The following PAPPA variants were observed in gnomAD, a reference collection of about 807,000 sequenced individuals.
The protein encoded by PAPPA is pappalysin 1, also known as pappalysin-1.
Under a neutral mutation model 164.0 loss-of-function variants are expected in PAPPA, and 60 were observed. The ratio of observed to expected loss-of-function variants is 0.37; its 90% CI spans 0.30 to 0.45. The LOEUF is 0.45. Among genes scored for constraint, PAPPA ranks in the 20% least tolerant of loss-of-function variants. The probability of loss-of-function intolerance (pLI) is 1.00; values close to 1 mark genes in which losing one functional copy is unlikely to be tolerated. For synonymous variants in PAPPA, 875 were observed against 814.1 expected, an observed-to-expected ratio of 1.07 and a Z score of -1.27; for missense variants, 1,782 against 2,087.3, an observed-to-expected ratio of 0.85 and a Z score of 2.85.
intron 10 of PAPPA, among the ~76,000 whole-genome samples, chr9:116,312,873 G>A (rs918105821): frequency 2.6e-5 from 4 of 152,040 alleles, no homozygotes; most frequent in East Asian, 3.9e-4. Context: ...CACAAGGTCA[G>A]GAGATGGAGA....
intron 12 of PAPPA, 31 bp from the exon 13 acceptor site, chr9:116,334,829 TG>T: frequency 6.4e-7 from 1 of 1,556,410 alleles, no homozygotes; most frequent in Non-Finnish European, 8.9e-7. Flanking sequence ...GTAATGAGCC[TG>T]GCCCCTCGGC....
intron 7 of PAPPA, among the ~76,000 whole-genome samples, chr9:116,250,148 T>G (rs76487182): frequency 0.028 from 4,268 of 152,010 alleles, 157 homozygotes; most frequent in East Asian, 0.11. Context: ...TCCCATGGGG[T>G]ATCGGGGGTT....
intron 21 of PAPPA, among the ~76,000 whole-genome samples, chr9:116,395,732 T>C (rs1171576149): frequency 6.6e-6 from 1 of 152,192 alleles, no homozygotes; most frequent in Non-Finnish European, 1.5e-5. Flanking sequence ...TATGCTAAAA[T>C]CTGCTTCCCA....
At chr9:116,171,695 C>T (rs902663193) in intron 1 of PAPPA, among the ~76,000 whole-genome samples, 11 of 152,168 alleles carry the variant, frequency 7.2e-5, no homozygotes, top group East Asian at 1.9e-4. Flanking sequence ...TCCATCCTTC[C>T]GTCTGTCCTC....
At chr9:116,309,345 G>A (rs537463856) in intron 10 of PAPPA, among the ~76,000 whole-genome samples, 2 of 152,186 alleles carry the variant, frequency 1.3e-5, no homozygotes, top group Non-Finnish European at 2.9e-5. Context: ...CAAAGTGCTG[G>A]GATTACAGGT....
At chr9:116,296,450 T>C (rs1428568949) in intron 9 of PAPPA, among the ~76,000 whole-genome samples, 1 of 152,210 alleles carries the variant, frequency 6.6e-6, no homozygotes, top group African/African-American at 2.4e-5. Flanking sequence ...AGCACTGTTA[T>C]GGGTTGGAAA....
chr9:116,202,031 G>C (rs1249432951), intron 2 of PAPPA, among the ~76,000 whole-genome samples: 1 of 152,142 alleles, frequency 6.6e-6, no homozygotes, highest in Non-Finnish European at 1.5e-5. Flanking sequence ...CTGCATAGGG[G>C]AAGTCCACTG....
chr9:116,181,245 A>G (rs1843901233), intron 1 of PAPPA, among the ~76,000 whole-genome samples: 1 of 152,184 alleles, frequency 6.6e-6, no homozygotes, highest in African/African-American at 2.4e-5. Context: ...GGCTTAAATG[A>G]CAGAAATTTA....
intron 15 of PAPPA, among the ~76,000 whole-genome samples, chr9:116,352,456 A>T (rs189013288): frequency 1.2e-4 from 19 of 152,330 alleles, no homozygotes; most frequent in Admixed American, 8.5e-4. Flanking sequence ...GCTCAGGATC[A>T]GAAGTCAGAA....
At chr9:116,168,024 G>A (rs1843735359) in intron 1 of PAPPA, among the ~76,000 whole-genome samples, 1 of 152,176 alleles carries the variant, frequency 6.6e-6, no homozygotes, top group African/African-American at 2.4e-5. Context: ...CCACATCAGT[G>A]CTCTTTCCAC....
At chr9:116,341,235 T>C (rs1846133196) in intron 13 of PAPPA, among the ~76,000 whole-genome samples, 1 of 152,064 alleles carries the variant, frequency 6.6e-6, no homozygotes, top group South Asian at 2.1e-4. Context: ...GAGACAGGGA[T>C]GCACCATGGT....
chr9:116,266,913 T>A (rs547070473), intron 8 of PAPPA, among the ~76,000 whole-genome samples: 56 of 152,358 alleles, frequency 3.7e-4, no homozygotes, highest in African/African-American at 1.3e-3. Flanking sequence ...AGAGACTTTT[T>A]AAACTATTGA....
chr9:116,334,757 T>C (rs1846038615), intron 12 of PAPPA, 104 bp from the exon 13 acceptor site: 1 of 736,926 alleles, frequency 1.4e-6, no homozygotes, highest in South Asian at 1.7e-5. Flanking sequence ...TTTTGTGCAG[T>C]GACATGAAAG....
chr9:116,373,641 C>T lies in PAPPA; in HGVS notation c.4606-3935C>T, dbSNP rs1224391351. The T allele has an allele frequency of 2.6e-5, 4 of 152,104 alleles. No individual in the cohort carries two copies. In the East Asian group the frequency reaches 7.8e-4, roughly 30 times the overall value. The allele number at this position is 152,104 out of a possible 1,614,324, so 9.4% of individuals were successfully genotyped here. A position where few individuals can be genotyped will look rare whatever the true frequency, so the allele number is the denominator to read the frequency against. On this transcript the variant is annotated intron_variant, in intron 19 of 21. Transcript: ENST00000328252. ...GGCCTTCATCTTTTAGATGCTCTAC[C>T]CACTCCAACATTTGTCTCAAAGGGC...
chr9:116,310,591 AT>A (rs1466905670), intron 10 of PAPPA, among the ~76,000 whole-genome samples: 6 of 152,192 alleles, frequency 3.9e-5, no homozygotes, highest in Non-Finnish European at 8.8e-5. Flanking sequence ...GAGACTTTAA[AT>A]CTACTGAATC....
At chr9:116,323,908 G>A (rs1845890594) in intron 10 of PAPPA, among the ~76,000 whole-genome samples, 1 of 152,212 alleles carries the variant, frequency 6.6e-6, no homozygotes, top group African/African-American at 2.4e-5. Flanking sequence ...GTCAGAAAAA[G>A]TGAGCAATTG....
At chr9:116,343,301 C>T (rs967783121) in intron 13 of PAPPA, among the ~76,000 whole-genome samples, 1 of 152,168 alleles carries the variant, frequency 6.6e-6, no homozygotes, top group Non-Finnish European at 1.5e-5. Flanking sequence ...CTGTTTGCAT[C>T]CTTAAAGATT....
chr9:116,343,499 G>A (rs1486714637), intron 13 of PAPPA, among the ~76,000 whole-genome samples: 1 of 152,156 alleles, frequency 6.6e-6, no homozygotes, highest in Non-Finnish European at 1.5e-5. Flanking sequence ...AATTCAGACT[G>A]GCAGAAAGGT....
At chr9:116,322,614 T>A (rs1352443792) in intron 10 of PAPPA, among the ~76,000 whole-genome samples, 1 of 152,100 alleles carries the variant, frequency 6.6e-6, no homozygotes, top group Non-Finnish European at 1.5e-5. Flanking sequence ...AGGCTTTCCC[T>A]CCTGTAGTCC....
Sources: gnomAD v4.1 joint callset for allele counts (sites outside exome capture counted in the v4.1 genomes callset) on GRCh38, gnomAD v4.1.1 for gene constraint, MANE v1.5 for transcripts, NCBI Gene and HGNC (gene_info 2026-07-23, HGNC 2026-07-21) for gene names.